Variants in EPHA6 observed in about 807,000 individuals in gnomAD.
EPHA6 encodes ephrin type-A receptor 6.
EPHA6 carries 50 observed loss-of-function variants against 112.0 expected under a neutral mutation model. That is an observed-to-expected ratio of 0.45 (90% CI 0.36 to 0.56). The LOEUF is 0.56. EPHA6 is among the 20% of genes least tolerant of loss of function. The pLI is 0.00. For missense variants in EPHA6, 1,280 were observed against 1,417.4 expected (o/e 0.90, Z 1.56); for synonymous variants, 529 against 490.7 (o/e 1.08, Z -1.03).
intron 4 of EPHA6, among the ~76,000 whole-genome samples, chr3:97,243,367 T>C (rs1475154314): frequency 1.3e-5 from 2 of 151,916 alleles, no homozygotes; most frequent in East Asian, 3.9e-4. Context: ...AAAAGGTTTT[T>C]TGTTGCCTTC....
At chr3:97,549,585 A>G (rs947519282) in intron 11 of EPHA6, among the ~76,000 whole-genome samples, 3 of 152,174 alleles carry the variant, frequency 2.0e-5, no homozygotes, top group Admixed American at 6.5e-5. Flanking sequence ...AACACCAGAC[A>G]CAGAAATGTA....
intron 14 of EPHA6, among the ~76,000 whole-genome samples, chr3:97,709,215 G>A (rs1056716668): frequency 6.6e-6 from 1 of 151,908 alleles, no homozygotes; most frequent in South Asian, 2.1e-4. Flanking sequence ...AGCCAATGGG[G>A]CTGTACCCTG....
At chr3:97,455,424 T>C (rs1217763503) in intron 7 of EPHA6, among the ~76,000 whole-genome samples, 1 of 152,090 alleles carries the variant, frequency 6.6e-6, no homozygotes, top group Admixed American at 6.6e-5. Context: ...ATGGGGTTAT[T>C]ATGGCATTAG....
intron 17 of EPHA6, 48 bp from the exon 18 acceptor site, chr3:97,748,539 T>TTCTTGCTCTCACTCTCGCTATCAC: frequency 6.9e-6 from 6 of 870,118 alleles, no homozygotes; most frequent in Non-Finnish European, 1.2e-5. Context: ...CTCTCTCTCT[T>TTCTTGCTCTCACTCTCGCTATCAC]TCTTGCTCTC....
At chr3:97,085,042 A>G (rs1231761073) in intron 3 of EPHA6, among the ~76,000 whole-genome samples, 1 of 152,178 alleles carries the variant, frequency 6.6e-6, no homozygotes, top group African/African-American at 2.4e-5. Context: ...GTTTACCATT[A>G]AAATATTTTA....
At chr3:97,004,167 G>A (rs1488029416) in intron 3 of EPHA6, among the ~76,000 whole-genome samples, 2 of 152,076 alleles carry the variant, frequency 1.3e-5, no homozygotes, top group East Asian at 3.9e-4. Context: ...CCCAGTAATG[G>A]CATTACTGAG....
intron 14 of EPHA6, among the ~76,000 whole-genome samples, chr3:97,644,584 A>G (rs1171548459): frequency 6.6e-6 from 1 of 152,170 alleles, no homozygotes; most frequent in Non-Finnish European, 1.5e-5. Context: ...AAATAGACAC[A>G]ATAAAAAATG....
chr3:96,860,008 G>A (rs902615392), intron 1 of EPHA6, among the ~76,000 whole-genome samples: 3 of 152,118 alleles, frequency 2.0e-5, no homozygotes, highest in Non-Finnish European at 4.4e-5. Flanking sequence ...GAAAGTTAAA[G>A]TAGAAAACTG....
chr3:97,703,214 T>C (rs968356066), intron 14 of EPHA6, among the ~76,000 whole-genome samples: 1 of 152,194 alleles, frequency 6.6e-6, no homozygotes, highest in African/African-American at 2.4e-5. Context: ...CAAACGGTTC[T>C]GGTTGTGGAC....
At chr3:97,120,354 C>T (rs1221689435) in intron 3 of EPHA6, among the ~76,000 whole-genome samples, 2 of 151,576 alleles carry the variant, frequency 1.3e-5, no homozygotes, top group African/African-American at 4.8e-5. Flanking sequence ...TTTTATAAAA[C>T]TTGATGTGCA....
intron 13 of EPHA6, among the ~76,000 whole-genome samples, chr3:97,626,584 C>A (rs866296966): frequency 2.6e-5 from 4 of 151,512 alleles, no homozygotes; most frequent in South Asian, 2.1e-4. Flanking sequence ...TAGAAAGAAT[C>A]GAGAGTATAT....
At chr3:97,073,545 A>T (rs972507458) in intron 3 of EPHA6, among the ~76,000 whole-genome samples, 13 of 152,122 alleles carry the variant, frequency 8.5e-5, no homozygotes, top group African/African-American at 2.9e-4. Context: ...CTAATAATTT[A>T]TGTTAATACT....
chr3:97,144,727 TAA>T (rs147237127), intron 3 of EPHA6, among the ~76,000 whole-genome samples: 6,065 of 151,618 alleles, frequency 0.04, 362 homozygotes, highest in African/African-American at 0.13. Flanking sequence ...CTTTAAAATA[TAA>T]GAGTAACTTT....
intron 13 of EPHA6, among the ~76,000 whole-genome samples, chr3:97,618,797 G>A (rs1028640776): frequency 6.6e-6 from 1 of 151,940 alleles, no homozygotes; most frequent in African/African-American, 2.4e-5. Context: ...AAAAGCCCAG[G>A]ACCAGATGGA....
intron 5 of EPHA6, among the ~76,000 whole-genome samples, chr3:97,314,200 A>G (rs2081699749): frequency 6.6e-6 from 1 of 151,450 alleles, no homozygotes; most frequent in Non-Finnish European, 1.5e-5. Context: ...CATGGTGTTT[A>G]TTTCTGGGCT....
At chr3:97,325,725 C>T (rs111710837) in intron 5 of EPHA6, among the ~76,000 whole-genome samples, 4 of 152,054 alleles carry the variant, frequency 2.6e-5, no homozygotes, top group South Asian at 2.1e-4. Flanking sequence ...CTTTTGTTAA[C>T]GAATACCTCC....
chr3:97,729,999 A>C (rs553467263), intron 15 of EPHA6, among the ~76,000 whole-genome samples: 2 of 152,218 alleles, frequency 1.3e-5, no homozygotes, highest in African/African-American at 4.8e-5. Flanking sequence ...ATTTTGAGAC[A>C]GTTTCTTTTT....
At chr3:97,202,718 A>G (rs2077609970) in intron 3 of EPHA6, among the ~76,000 whole-genome samples, 1 of 152,142 alleles carries the variant, frequency 6.6e-6, no homozygotes, top group African/African-American at 2.4e-5. Flanking sequence ...TGACTATAGG[A>G]GTCATACCCA....
At chr3:96,927,539 C>T (rs1407051267) in intron 2 of EPHA6, among the ~76,000 whole-genome samples, 2 of 152,164 alleles carry the variant, frequency 1.3e-5, no homozygotes. Flanking sequence ...TTCCACTTAT[C>T]TCTAGGGTGG....
Sources: gnomAD v4.1 joint callset for allele counts (sites outside exome capture counted in the v4.1 genomes callset) on GRCh38, gnomAD v4.1.1 for gene constraint, MANE v1.5 for transcripts, NCBI Gene and HGNC (gene_info 2026-07-23, HGNC 2026-07-21) for gene names.